ITGA1: variants seen among roughly 807,000 people sequenced by gnomAD.
The protein encoded by ITGA1 is integrin alpha-1.
In ITGA1, 85 loss-of-function variants were observed where a neutral mutation model predicts 145.9. That is an observed-to-expected ratio of 0.58 (90% CI 0.49 to 0.70). ITGA1 has a LOEUF of 0.70. ITGA1 is among the 30% of genes least tolerant of loss of function. ITGA1 has a pLI of 0.00. For synonymous variants in ITGA1, 520 were observed against 495.3 expected, an observed-to-expected ratio of 1.05 and a Z score of -0.66; for missense variants, 1,351 against 1,418.7, an observed-to-expected ratio of 0.95 and a Z score of 0.77.
At chr5:52,829,465 T>C (rs189764204) in intron 1 of ITGA1, among the ~76,000 whole-genome samples, 1 of 152,026 alleles carries the variant, frequency 6.6e-6, no homozygotes, top group African/African-American at 2.4e-5. Flanking sequence ...TATCTGTAGG[T>C]TAAGGAGGAA....
In ITGA1 at chr5:52,910,094, C is replaced by T. The variant is rs527240265; in HGVS notation, c.1600-68C>T. 2.8e-6 allele frequency: 4 copies of T among 1,434,354 alleles called. No homozygotes were observed. In the South Asian group the frequency reaches 5.2e-5, roughly 19 times the overall value. The allele number at this position is 1,434,354 out of a possible 1,614,324, so 88.9% of individuals were successfully genotyped here. A position where few individuals can be genotyped will look rare whatever the true frequency, so the allele number is the denominator to read the frequency against. On this transcript the variant is annotated intron_variant, in intron 13 of 28. Transcript: ENST00000282588. ...CTGTTAATAGCACTGATTTAGTATA[C>T]TTTAAAAATTCTACTCTGCTGTAGT...
intron 8 of ITGA1, among the ~76,000 whole-genome samples, chr5:52,889,340 G>A (rs1471388166): frequency 1.3e-5 from 2 of 152,082 alleles, no homozygotes; most frequent in African/African-American, 4.8e-5. Context: ...GACCTCAGGG[G>A]ATCCACCTGC....
At chr5:52,942,584 C>G (rs946492248) in intron 26 of ITGA1, among the ~76,000 whole-genome samples, 3 of 148,846 alleles carry the variant, frequency 2.0e-5, no homozygotes, top group African/African-American at 7.5e-5. Flanking sequence ...AGGCTGGAGT[C>G]CAGTGGCGCG....
intron 6 of ITGA1, among the ~76,000 whole-genome samples, chr5:52,876,509 A>C (rs2111795893): frequency 6.6e-6 from 1 of 152,174 alleles, no homozygotes; most frequent in South Asian, 2.1e-4. Flanking sequence ...CTGAGACTTG[A>C]GTTTTTCCAC....
In ITGA1 at chr5:52,955,319, C is replaced by T. The variant is rs1751286728; in HGVS notation, c.*2868C>T. The T allele has an allele frequency of 6.6e-6, 1 of 151,626 alleles. No individual in the cohort carries two copies. Among genetic ancestry groups the T allele is most frequent in the Admixed American group, 6.6e-5 (1 of 15,162 alleles). 9.4% of individuals were successfully genotyped at this position (151,626 alleles called of 1,614,324 possible). ...CAACCAGTGTGAGCTGACTTCAGCACACCACTGAGACAGATTACACGATAG... is the reference window on the plus strand; with the variant it reads ...CAACCAGTGTGAGCTGACTTCAGCATACCACTGAGACAGATTACACGATAG... On this transcript the variant is annotated 3_prime_UTR_variant, in exon 29 of 29. Coordinates refer to ENST00000282588, the MANE Select transcript of ITGA1 (RefSeq NM_181501.2).
At chr5:52,912,419 A>G (rs1446028743) in intron 14 of ITGA1, among the ~76,000 whole-genome samples, 2 of 146,236 alleles carry the variant, frequency 1.4e-5, no homozygotes, top group African/African-American at 5.0e-5. Flanking sequence ...TATATAGTGT[A>G]TCCACTATAG....
At chr5:52,866,287 T>C (rs1421826196) in intron 6 of ITGA1, among the ~76,000 whole-genome samples, 2 of 151,468 alleles carry the variant, frequency 1.3e-5, no homozygotes, top group African/African-American at 4.9e-5. Context: ...AAAGCATTGG[T>C]ATTACAGGCG....
intron 24 of ITGA1, among the ~76,000 whole-genome samples, chr5:52,938,157 A>C (rs1252789694): frequency 1.3e-5 from 2 of 152,206 alleles, no homozygotes; most frequent in Non-Finnish European, 2.9e-5. Flanking sequence ...CATTGTTATG[A>C]AATGTTTCTT....
chr5:52,933,861 ATGTTT>A, intron 22 of ITGA1, 28 bp from the exon 23 acceptor site: 1 of 1,075,290 alleles, frequency 9.3e-7, no homozygotes, highest in Non-Finnish European at 1.3e-6. Context: ...AAACTTTGTT[ATGTTT>A]TATTTTTCTT....
chr5:52,914,413 C>T (rs558866202), intron 14 of ITGA1, among the ~76,000 whole-genome samples: 4 of 152,112 alleles, frequency 2.6e-5, no homozygotes, highest in African/African-American at 7.2e-5. Context: ...CCGAGGCAGG[C>T]GGATCATGAG....
intron 11 of ITGA1, among the ~76,000 whole-genome samples, chr5:52,899,414 A>T (rs1750280740): frequency 6.6e-6 from 1 of 152,180 alleles, no homozygotes; most frequent in South Asian, 2.1e-4. Flanking sequence ...GTTTTAGATG[A>T]CTAAAAATGT....
chr5:52,832,851 G>C (rs1176094764), intron 1 of ITGA1, among the ~76,000 whole-genome samples: 3 of 121,520 alleles, frequency 2.5e-5, no homozygotes, highest in Non-Finnish European at 5.2e-5. Context: ...TTTTTTGGTA[G>C]ATTTTTTTTG....
At chr5:52,851,704 G>T (rs770170885) in intron 2 of ITGA1, among the ~76,000 whole-genome samples, 55 of 152,168 alleles carry the variant, frequency 3.6e-4, no homozygotes, top group Non-Finnish European at 7.2e-4. Flanking sequence ...CATTTGTGAG[G>T]TAATGTTAAT....
intron 1 of ITGA1, among the ~76,000 whole-genome samples, chr5:52,814,252 T>C (rs527751561): frequency 2.0e-5 from 3 of 152,326 alleles, no homozygotes; most frequent in East Asian, 3.9e-4. Context: ...GTTCAAGCGA[T>C]TCTTGTTCCT....
intron 6 of ITGA1, among the ~76,000 whole-genome samples, chr5:52,876,725 C>A (rs2111796259): frequency 1.3e-5 from 2 of 152,192 alleles, no homozygotes; most frequent in Middle Eastern, 6.8e-3. Context: ...TACTCTTTAC[C>A]CCTGCCTGTC....
At chr5:52,878,455 G>A (rs1007925926) in intron 6 of ITGA1, among the ~76,000 whole-genome samples, 5 of 152,018 alleles carry the variant, frequency 3.3e-5, no homozygotes, top group African/African-American at 7.3e-5. Flanking sequence ...TAATTTTTCC[G>A]GACAATCCAA....
Position 52,883,690 on chromosome 5 carries a change from T to C in ITGA1, c.773+1669T>C, listed in dbSNP as rs372219467. 2.6e-5 allele frequency among the ~76,000 whole-genome samples: 4 copies of C among 152,208 alleles called. No individual in the cohort carries two copies. The East Asian group carries it at 7.7e-4, about 29-fold the overall frequency. ...TTTACTTTTGTCAATAAACTTACAG[T>C]ATTTAATCATGAGGCCTGGATTCTC... On this transcript the variant is annotated intron_variant, in intron 7 of 28. Transcript: ENST00000282588.
At chr5:52,889,530 A>G (rs1391587722) in intron 8 of ITGA1, 1 of 152,054 alleles carries the variant, frequency 6.6e-6, no homozygotes, top group African/African-American at 2.4e-5. Context: ...TAATCAAACT[A>G]TCAGTTTTTT....
At chr5:52,929,207 C>T (rs181340428) in intron 20 of ITGA1, among the ~76,000 whole-genome samples, 1 of 152,192 alleles carries the variant, frequency 6.6e-6, no homozygotes, top group African/African-American at 2.4e-5. Flanking sequence ...TTTCATGCTT[C>T]ATAGAAGATG....
Sources: gnomAD v4.1 joint callset for allele counts (sites outside exome capture counted in the v4.1 genomes callset) on GRCh38, gnomAD v4.1.1 for gene constraint, MANE v1.5 for transcripts, NCBI Gene and HGNC (gene_info 2026-07-23, HGNC 2026-07-21) for gene names.